SYNE1: variants seen among roughly 807,000 people sequenced by gnomAD.
The protein encoded by SYNE1 is spectrin repeat containing nuclear envelope protein 1.
In SYNE1, 616 loss-of-function variants were observed where a neutral mutation model predicts 1,111.0. The observed-to-expected ratio is 0.55, with a 90% CI of 0.52 to 0.59. The LOEUF is 0.59. Ranked by LOEUF, SYNE1 falls within the 20% of genes least tolerant of loss-of-function variation. SYNE1 has a pLI of 0.00. For missense variants in SYNE1, 10,006 were observed against 10,417.0 expected (o/e 0.96, Z 1.72); for synonymous variants, 3,855 against 3,825.8 (o/e 1.01, Z -0.28).
At chr6:152,634,327 CT>C (rs2099702650) in intron 2 of SYNE1, among the ~76,000 whole-genome samples, 1 of 152,230 alleles carries the variant, frequency 6.6e-6, no homozygotes, top group East Asian at 1.9e-4. Context: ...AATTAAATGT[CT>C]AAACATGTAT....
In SYNE1 at chr6:152,255,564, C is replaced by T. The variant is rs958871638; in HGVS notation, c.19260+27G>A. 8 of 1,613,604 alleles carry T rather than the reference C, an allele frequency of 5.0e-6. No homozygotes were observed. In the Admixed American group the frequency reaches 1.3e-4, roughly 27 times the overall value. The stretch of plus-strand genomic sequence containing the variant: ...GTCAAGTGCTTTGTAATGTTATACA[C>T]ACACAGGCAGGAACTACTAAACCTA... On this transcript the variant is annotated intron_variant, in intron 103 of 145. Transcript: ENST00000367255.
chr6:152,463,368 A>G lies in SYNE1; in HGVS notation c.2082T>C (p.Phe694=), dbSNP rs2098745566. The G allele has an allele frequency of 6.2e-7, 1 of 1,613,806 alleles. No individual in the cohort carries two copies. Among genetic ancestry groups the G allele is most frequent in the Non-Finnish European group, 8.5e-7 (1 of 1,179,764 alleles). The part of the protein sequence containing the change: ...LLLNGRWREL[F]MEVKQYAQAD... Reference sequence around the variant, plus strand: ...AAAGACATACTTGCTTGACTTCCATAAACAACTCCCTCCACCGCCCATTTA... The same window carrying G: ...AAAGACATACTTGCTTGACTTCCATGAACAACTCCCTCCACCGCCCATTTA... Residue 694 remains phenylalanine (F), a synonymous_variant, in exon 19 of 146, where the codon TTT becomes TTC. Coordinates refer to ENST00000367255, the MANE Select transcript of SYNE1 (RefSeq NM_182961.4).
intron 115 of SYNE1, among the ~76,000 whole-genome samples, chr6:152,228,622 T>C (rs1423755924): frequency 6.6e-6 from 1 of 152,210 alleles, no homozygotes; most frequent in Non-Finnish European, 1.5e-5. Flanking sequence ...TTTCAGTCTT[T>C]CAACAGTAAA....
At chr6:152,257,489 C>G (rs1192692135) in intron 101 of SYNE1, among the ~76,000 whole-genome samples, 1 of 152,156 alleles carries the variant, frequency 6.6e-6, no homozygotes. Flanking sequence ...TGAGATCACA[C>G]CACTGCACTC....
Position 152,416,836 on chromosome 6 carries a change from C to G in SYNE1, c.5601G>C (p.Leu1867=). ...TCTGGAGGAATTCTGCCAAATGGGA[C>G]AGGGCAAGCTGCCGCCTCTCCACAA... The part of the protein sequence containing the change: ...SQVVERRQLA[L]SHLAEFLQSH... The change falls in exon 41 of 146, where the codon CTG becomes CTC. Residue 1867 remains leucine, a synonymous_variant. Coordinates refer to ENST00000367255, the MANE Select transcript of SYNE1 (RefSeq NM_182961.4). 1 of 1,614,156 alleles carries G rather than the reference C, an allele frequency of 6.2e-7. No individual in the cohort carries two copies. The highest frequency in any genetic ancestry group is 8.5e-7 in the Non-Finnish European group (1 of 1,180,034).
Position 152,231,788 on chromosome 6 carries a change from G to GTGTGTA in SYNE1, c.20863-222_20863-221insTACACA, listed in dbSNP as rs1338248157. On this transcript the variant is annotated intron_variant, in intron 113 of 145. Transcript: ENST00000367255. ...TAAACACAGATATACGTGTGTATGT[G>GTGTGTA]TGTGTGTGTGTGTGTATATATATAT... 0.019 allele frequency among the ~76,000 whole-genome samples: 2,418 copies of GTGTGTA among 129,786 alleles called. 54 individuals are homozygous for GTGTGTA. Among genetic ancestry groups the GTGTGTA allele is most frequent in the African/African-American group, 0.062 (2,325 of 37,664 alleles). 85.1% of individuals were successfully genotyped at this position (129,786 alleles called of 152,430 possible). A position where few individuals can be genotyped will look rare whatever the true frequency, so the allele number is the denominator to read the frequency against.
chr6:152,428,329 T>A lies in SYNE1; in HGVS notation c.4852A>T (p.Lys1618Ter). The A allele has an allele frequency of 1.2e-6, 2 of 1,614,034 alleles. No individual in the cohort carries two copies. The highest frequency in any genetic ancestry group is 2.2e-5 in the South Asian group (2 of 91,078). The change falls in exon 37 of 146, where the codon AAG (lysine) becomes TAG (stop). Residue 1618 changes from lysine (K) to a stop codon, truncating the protein, a stop_gained. Transcript: ENST00000367255. LOFTEE classifies it high-confidence loss of function. ...AITAFSASAR[K>*]VVNRDSCVQE... Reference sequence around the variant, plus strand: ...ACACAGGAATCTCTGTTCACAACCTTCCTGGCACTGGCTGAGAAGGCAGTG... The same window carrying A: ...ACACAGGAATCTCTGTTCACAACCTACCTGGCACTGGCTGAGAAGGCAGTG...
At chr6:152,172,270 G>A (rs2065400067) in intron 130 of SYNE1, among the ~76,000 whole-genome samples, 1 of 152,118 alleles carries the variant, frequency 6.6e-6, no homozygotes. Context: ...AGTAATAGAT[G>A]CATAGCTTTA....
chr6:152,323,545 C>A lies in SYNE1; in HGVS notation c.15850G>T (p.Ala5284Ser), dbSNP rs148292669. Residue 5284 changes from alanine to serine, a missense_variant, in exon 82 of 146, where the codon GCC (alanine) becomes TCC (serine). Around this residue, in one of 7 missense-constraint regions of SYNE1, gnomAD observed 4,955 missense variants for 5,017.2 expected, o/e 0.99. Coordinates refer to ENST00000367255, the MANE Select transcript of SYNE1 (RefSeq NM_182961.4). ...GGAGGCTCTTCCCCAGGGGTTGGGG[C>A]GGCTCCATCCTGGAGCATGCTCAGG... ...QTLSMLQDGA[A>S]PTPGEEPPLM... 10 of 1,614,198 alleles carry A rather than the reference C, an allele frequency of 6.2e-6. No individual in the cohort carries two copies. The South Asian group carries it at 8.8e-5, about 14-fold the overall frequency.
chr6:152,430,903 A>G (rs1314368306), intron 34 of SYNE1, among the ~76,000 whole-genome samples, 194 bp from the exon 35 acceptor site: 2 of 152,160 alleles, frequency 1.3e-5, no homozygotes, highest in Admixed American at 1.3e-4. Context: ...AAATACAGTG[A>G]TGGGTTGGGG....
intron 87 of SYNE1, among the ~76,000 whole-genome samples, chr6:152,314,917 A>ACCT (rs879886989): frequency 1.6e-5 from 2 of 128,902 alleles, no homozygotes; most frequent in African/African-American, 2.7e-5. Context: ...GCTCACTGCA[A>ACCT]TGATGACGAG....
intron 63 of SYNE1, among the ~76,000 whole-genome samples, chr6:152,363,403 A>G (rs927341521): frequency 2.0e-5 from 3 of 150,586 alleles, no homozygotes; most frequent in Non-Finnish European, 4.4e-5. Context: ...CTGAGGCAGG[A>G]GAATGGCGTG....
At chr6:152,445,499 ATT>A (rs1346230444) in intron 29 of SYNE1, among the ~76,000 whole-genome samples, 12 of 152,002 alleles carry the variant, frequency 7.9e-5, no homozygotes, top group African/African-American at 2.9e-4. Flanking sequence ...ACATGTTGTC[ATT>A]TGTTTTCCAC....
chr6:152,443,517 G>A (rs1013690953), intron 30 of SYNE1, among the ~76,000 whole-genome samples: 1 of 152,180 alleles, frequency 6.6e-6, no homozygotes, highest in Non-Finnish European at 1.5e-5. Context: ...GCCCGCCTCG[G>A]CCTCCCAAAG....
intron 51 of SYNE1, among the ~76,000 whole-genome samples, chr6:152,392,239 C>A (rs914603577): frequency 2.0e-4 from 30 of 151,984 alleles, no homozygotes; most frequent in African/African-American, 6.3e-4. Context: ...AGACCCAACA[C>A]AATATTGTGC....
chr6:152,255,957 G>T (rs1275821885), intron 102 of SYNE1, among the ~76,000 whole-genome samples: 1 of 152,224 alleles, frequency 6.6e-6, no homozygotes, highest in East Asian at 1.9e-4. Flanking sequence ...AAATTTGCCA[G>T]TCGTGGTGGC....
Position 152,540,035 on chromosome 6 carries a change from G to C in SYNE1, c.68-14C>G. On this transcript the variant is annotated splice_polypyrimidine_tract_variant and intron_variant, in intron 3 of 145. Coordinates refer to ENST00000367255, the MANE Select transcript of SYNE1 (RefSeq NM_182961.4). ...TCTCTTGCTCATCTAGAAGGAAAAA[G>C]AAATCTGGTTAAATAATGTAATATT... The C allele has an allele frequency of 1.9e-6, 3 of 1,612,336 alleles. No individual in the cohort carries two copies. The highest frequency in any genetic ancestry group is 2.5e-6 in the Non-Finnish European group (3 of 1,178,598).
At chr6:152,628,608 C>T (rs970205873) in intron 2 of SYNE1, 54 bp from the exon 3 acceptor site, 2 of 462,466 alleles carry the variant, frequency 4.3e-6, no homozygotes, top group African/African-American at 1.9e-5. Flanking sequence ...ACGAAGGTCA[C>T]CACAGTGCTA....
chr6:152,387,274 G>T lies in SYNE1; in HGVS notation c.8285C>A (p.Pro2762Gln). Residue 2762 changes from proline (P) to glutamine (Q), a missense_variant, in exon 54 of 146, where the codon CCA becomes CAA. Physicochemically the swap from Pro to Gln is moderately conservative, Grantham distance 76. Transcript: ENST00000367255. The part of the protein sequence containing the change: ...VDQKIEHPLQ[P>Q]QPGLKEKFVL... ...GAACTTCTCTTTCAGACCTGGCTGT[G>T]GTTGTAAGGGATGTTCTATTTTTTG... The T allele has an allele frequency of 6.2e-7, 1 of 1,614,192 alleles. No individual in the cohort carries two copies. The highest frequency in any genetic ancestry group is 1.3e-5 in the African/African-American group (1 of 75,048).
Sources: gnomAD v4.1 joint callset for allele counts (sites outside exome capture counted in the v4.1 genomes callset) on GRCh38, gnomAD v4.1.1 for gene constraint, gnomAD v4.1.1 regional missense constraint, MANE v1.5 for transcripts, NCBI Gene and HGNC (gene_info 2026-07-23, HGNC 2026-07-21) for gene names.